ATG7: variants seen among roughly 807,000 people sequenced by gnomAD.
ATG7 encodes the protein autophagy related 7, also known as ubiquitin-like modifier-activating enzyme ATG7.
In ATG7, 70 loss-of-function variants were observed where a neutral mutation model predicts 82.4. The ratio of observed to expected loss-of-function variants is 0.85; its 90% CI spans 0.70 to 1.04. ATG7 has a LOEUF of 1.04. ATG7 is among the 50% of genes least tolerant of loss of function. The pLI is 0.00. For synonymous variants in ATG7, 287 were observed against 313.0 expected, an observed-to-expected ratio of 0.92 and a Z score of 0.88; for missense variants, 792 against 864.3, an observed-to-expected ratio of 0.92 and a Z score of 1.05.
intron 20 of ATG7, among the ~76,000 whole-genome samples, chr3:11,444,487 G>T (rs946584433): frequency 1.1e-4 from 17 of 152,114 alleles, no homozygotes; most frequent in Admixed American, 9.2e-4. Flanking sequence ...TCCTTTGGGG[G>T]TGATATCACC....
At chr3:11,345,092 G>A (rs1387865919) in intron 13 of ATG7, among the ~76,000 whole-genome samples, 3 of 151,772 alleles carry the variant, frequency 2.0e-5, no homozygotes, top group Non-Finnish European at 2.9e-5. Flanking sequence ...TTATAAATCC[G>A]TCTGGGCCTG....
At chr3:11,422,996 C>A (rs1057362984) in intron 19 of ATG7, among the ~76,000 whole-genome samples, 2 of 152,044 alleles carry the variant, frequency 1.3e-5, no homozygotes, top group African/African-American at 4.8e-5. Context: ...CTCAAGTGAT[C>A]CACCCACCTT....
At chr3:11,366,690 G>C (rs1226327969) in intron 18 of ATG7, among the ~76,000 whole-genome samples, 1 of 152,040 alleles carries the variant, frequency 6.6e-6, no homozygotes, top group Non-Finnish European at 1.5e-5. Flanking sequence ...AATTACTGCA[G>C]TTGTAGTTTT....
At chr3:11,297,232 C>T (rs1946078884) in intron 3 of ATG7, among the ~76,000 whole-genome samples, 1 of 152,070 alleles carries the variant, frequency 6.6e-6, no homozygotes, top group South Asian at 2.1e-4. Flanking sequence ...GTAGCCCATG[C>T]CTGTAGTCTC....
At chr3:11,358,720 C>A in intron 15 of ATG7, 108 bp downstream of exon 15, 3 of 1,233,650 alleles carry the variant, frequency 2.4e-6, no homozygotes, top group Non-Finnish European at 3.3e-6. Flanking sequence ...TTTGTGTGAC[C>A]TGGTAGCATA....
rs1281164280 is a variant in ATG7 at position 11,370,141 on chromosome 3, C to T, written c.1875+5407C>T. ...GCACATAAGAGACCCTTGTAAATAT[C>T]GGTTTCATCTTTCACTTTTAATTAA... On this transcript the variant is annotated intron_variant, in intron 18 of 20. Coordinates refer to ENST00000693202, the MANE Select transcript of ATG7 (RefSeq NM_001349232.2). Among the ~76,000 whole-genome samples the T allele has an allele frequency of 4.0e-5, 6 of 151,176 alleles. 1 individual carries two copies. The highest frequency in any genetic ancestry group is 2.1e-4 in the South Asian group (1 of 4,794).
chr3:11,303,696 C>T (rs938263624), intron 5 of ATG7, among the ~76,000 whole-genome samples: 7 of 150,610 alleles, frequency 4.6e-5, no homozygotes, highest in Non-Finnish European at 8.9e-5. Context: ...TTTCCTTTCT[C>T]TGGGCCTCAA....
chr3:11,388,630 G>A (rs1172577574), intron 19 of ATG7, among the ~76,000 whole-genome samples: 3 of 151,872 alleles, frequency 2.0e-5, no homozygotes, highest in Non-Finnish European at 2.9e-5. Flanking sequence ...GGGTTTCACC[G>A]TGTTAGCTAG....
At chr3:11,436,218 T>A (rs2083357028) in intron 20 of ATG7, among the ~76,000 whole-genome samples, 1 of 152,152 alleles carries the variant, frequency 6.6e-6, no homozygotes, top group South Asian at 2.1e-4. Context: ...CATAATCAAA[T>A]AAGATGCCCA....
intron 20 of ATG7, among the ~76,000 whole-genome samples, chr3:11,442,657 C>T (rs1191271715): frequency 7.5e-6 from 1 of 132,920 alleles, no homozygotes; most frequent in Non-Finnish European, 1.5e-5. Context: ...AATCTCAGCA[C>T]TTTGGGAGTC....
chr3:11,319,661 A>G (rs1037719494), intron 9 of ATG7, among the ~76,000 whole-genome samples: 1 of 152,162 alleles, frequency 6.6e-6, no homozygotes, highest in African/African-American at 2.4e-5. Flanking sequence ...TCTTTGCCCC[A>G]AGGCTGGTCC....
intron 19 of ATG7, among the ~76,000 whole-genome samples, chr3:11,383,426 T>C (rs1262821173): frequency 1.3e-5 from 2 of 152,150 alleles, no homozygotes; most frequent in Non-Finnish European, 2.9e-5. Flanking sequence ...AGGAGTTATA[T>C]AATATATTAT....
chr3:11,541,220 T>C (rs928901677), intron 20 of ATG7, among the ~76,000 whole-genome samples: 1 of 152,190 alleles, frequency 6.6e-6, no homozygotes, highest in East Asian at 1.9e-4. Flanking sequence ...TTTACATATA[T>C]GTTTGTGATT....
In ATG7 at chr3:11,332,978, C is replaced by A; in HGVS notation, c.774C>A (p.Ser258Arg). The A allele has an allele frequency of 1.3e-6, 2 of 1,533,726 alleles. No individual in the cohort carries two copies. Among genetic ancestry groups the A allele is most frequent in the South Asian group, 1.3e-5 (1 of 77,750 alleles). ...FLVLAAHRWS[S>R]SFQSVEVVCF... ...AATCCGGGCATGACAACAGGAGTAG[C>A]AGTTTCCAGTCTGTTGAAGTTGTTT... The change falls in exon 11 of 21, where the codon AGC becomes AGA. Residue 258 changes from serine to arginine, a missense_variant. Transcript: ENST00000693202.
intron 7 of ATG7, among the ~76,000 whole-genome samples, chr3:11,309,494 T>C (rs924148776): frequency 1.3e-5 from 2 of 152,016 alleles, no homozygotes; most frequent in African/African-American, 4.8e-5. Context: ...ATGTTTTCTG[T>C]AAGCGAAATC....
intron 19 of ATG7, among the ~76,000 whole-genome samples, chr3:11,420,829 C>T (rs1041600365): frequency 6.7e-6 from 1 of 148,536 alleles, no homozygotes; most frequent in African/African-American, 2.5e-5. Context: ...GATCTCGGCT[C>T]ACTGCAAGCT....
intron 1 of ATG7, chr3:11,277,547 C>T (rs1942078840): frequency 6.6e-6 from 1 of 152,154 alleles, no homozygotes; most frequent in African/African-American, 2.4e-5. Flanking sequence ...TGATGCCGAC[C>T]CGAGCTGCAA....
At chr3:11,478,677 C>T (rs925736097) in intron 20 of ATG7, among the ~76,000 whole-genome samples, 1 of 152,036 alleles carries the variant, frequency 6.6e-6, no homozygotes, top group Non-Finnish European at 1.5e-5. Flanking sequence ...AAAAAAGCCC[C>T]AAAAGGAAAG....
At chr3:11,392,348 TTTACTTGA>T in intron 19 of ATG7, among the ~76,000 whole-genome samples, 1 of 152,148 alleles carries the variant, frequency 6.6e-6, no homozygotes, top group South Asian at 2.1e-4. Flanking sequence ...CTGGTTTGCA[TTTACTTGA>T]AGTAGGGTAG....
Sources: gnomAD v4.1 joint callset for allele counts (sites outside exome capture counted in the v4.1 genomes callset) on GRCh38, gnomAD v4.1.1 for gene constraint, MANE v1.5 for transcripts, NCBI Gene and HGNC (gene_info 2026-07-23, HGNC 2026-07-21) for gene names.